SLC35F1: variants seen among roughly 807,000 people sequenced by gnomAD.
SLC35F1 encodes the protein solute carrier family 35 member F1.
SLC35F1 carries 14 observed loss-of-function variants against 48.7 expected under a neutral mutation model. That is an observed-to-expected ratio of 0.29 (90% CI 0.19 to 0.45). SLC35F1 has a LOEUF of 0.45. SLC35F1 is among the 20% of genes least tolerant of loss of function. The pLI is 1.00. For synonymous variants in SLC35F1, 190 were observed against 202.2 expected (o/e 0.94, Z 0.51); for missense variants, 404 against 500.0 (o/e 0.81, Z 1.83).
chr6:118,272,504 A>G (rs1775864617), intron 4 of SLC35F1, among the ~76,000 whole-genome samples: 1 of 152,172 alleles, frequency 6.6e-6, no homozygotes, highest in Non-Finnish European at 1.5e-5. Flanking sequence ...CATCTACTGC[A>G]TTAGCTGTGC....
chr6:118,221,333 A>G (rs918664840), intron 2 of SLC35F1, among the ~76,000 whole-genome samples: 4 of 152,204 alleles, frequency 2.6e-5, no homozygotes, highest in Admixed American at 6.5e-5. Context: ...CACCTCCGCA[A>G]AAACAGAATG....
At chr6:118,114,765 T>G (rs535930016) in intron 1 of SLC35F1, among the ~76,000 whole-genome samples, 1 of 152,340 alleles carries the variant, frequency 6.6e-6, no homozygotes, top group South Asian at 2.1e-4. Flanking sequence ...CAGCTGGTTT[T>G]ATTGCCAGCA....
chr6:117,991,076 A>T (rs950393386), intron 1 of SLC35F1, among the ~76,000 whole-genome samples: 6 of 152,226 alleles, frequency 3.9e-5, no homozygotes, highest in Admixed American at 3.9e-4. Context: ...GCAACAAAGA[A>T]GAAAATAAAA....
intron 1 of SLC35F1, among the ~76,000 whole-genome samples, chr6:118,082,557 C>G (rs1460746220): frequency 1.3e-5 from 2 of 151,610 alleles, no homozygotes; most frequent in Non-Finnish European, 2.9e-5. Flanking sequence ...GTAACATAAA[C>G]TCAACTCTAA....
At chr6:117,991,926 T>C (rs1338838140) in intron 1 of SLC35F1, among the ~76,000 whole-genome samples, 1 of 152,186 alleles carries the variant, frequency 6.6e-6, no homozygotes, top group African/African-American at 2.4e-5. Context: ...AAAATTTTTA[T>C]AAGCTCTATC....
intron 1 of SLC35F1, among the ~76,000 whole-genome samples, chr6:117,982,044 T>C (rs1776787655): frequency 6.6e-6 from 1 of 152,186 alleles, no homozygotes; most frequent in Non-Finnish European, 1.5e-5. Flanking sequence ...CTTTTAAGAA[T>C]ACAAAAATAC....
chr6:117,908,672 A>G (rs1314498122), intron 1 of SLC35F1, among the ~76,000 whole-genome samples: 1 of 152,232 alleles, frequency 6.6e-6, no homozygotes, highest in Non-Finnish European at 1.5e-5. Context: ...ACCTGGGTTG[A>G]CGTGAAAATG....
chr6:118,033,821 T>C (rs1772087738), intron 1 of SLC35F1, among the ~76,000 whole-genome samples: 1 of 152,242 alleles, frequency 6.6e-6, no homozygotes, highest in South Asian at 2.1e-4. Flanking sequence ...ATTGATTTAC[T>C]CAGTGAATAA....
intron 2 of SLC35F1, among the ~76,000 whole-genome samples, chr6:118,159,316 T>C (rs1318009992): frequency 6.7e-6 from 1 of 148,984 alleles, no homozygotes; most frequent in Non-Finnish European, 1.5e-5. Context: ...TCCACCAAAG[T>C]AGTTTTGTTG....
At chr6:118,297,742 ATATATATATAT>A in intron 7 of SLC35F1, among the ~76,000 whole-genome samples, 1 of 95,392 alleles carries the variant, frequency 1.0e-5, no homozygotes, top group Non-Finnish European at 2.1e-5. Context: ...GTTCTGAGAA[ATATATATATAT>A]AATATATATA....
At chr6:118,215,028 C>A (rs530051930) in intron 2 of SLC35F1, among the ~76,000 whole-genome samples, 1 of 152,208 alleles carries the variant, frequency 6.6e-6, no homozygotes, top group African/African-American at 2.4e-5. Flanking sequence ...CTCTAGGGAC[C>A]TTTGTTACAC....
chr6:118,295,231 T>C (rs897349934), intron 7 of SLC35F1, among the ~76,000 whole-genome samples: 1 of 152,128 alleles, frequency 6.6e-6, no homozygotes, highest in African/African-American at 2.4e-5. Flanking sequence ...TATAATAATA[T>C]ATTATTATGT....
chr6:118,052,105 T>A (rs1209626852), intron 1 of SLC35F1, among the ~76,000 whole-genome samples: 1 of 152,098 alleles, frequency 6.6e-6, no homozygotes, highest in Non-Finnish European at 1.5e-5. Context: ...CCCTTCTCCT[T>A]GGGCTGTTAG....
At chr6:117,975,375 G>A (rs1021258580) in intron 1 of SLC35F1, among the ~76,000 whole-genome samples, 3 of 152,198 alleles carry the variant, frequency 2.0e-5, no homozygotes, top group Admixed American at 2.0e-4. Context: ...TTTAGAGTCC[G>A]CTAACTGGGA....
intron 1 of SLC35F1, among the ~76,000 whole-genome samples, chr6:117,979,980 A>G (rs1776756100): frequency 6.6e-6 from 1 of 152,200 alleles, no homozygotes; most frequent in South Asian, 2.1e-4. Flanking sequence ...ACTGTAGTAA[A>G]AAGTTGCTGT....
chr6:118,256,205 GGTGTGTGTGTGTGTGTGTGTGTGT>G (rs71554895), intron 3 of SLC35F1, among the ~76,000 whole-genome samples: 56,189 of 143,212 alleles, frequency 0.39, 11,139 homozygotes, highest in Non-Finnish European at 0.47. Flanking sequence ...GAAGACTTCT[GGTGTGTGTGTGTGTGTGTGTGTGT>G]GTGTGTGTGT....
intron 2 of SLC35F1, among the ~76,000 whole-genome samples, chr6:118,226,441 C>A (rs141819515): frequency 6.6e-6 from 1 of 151,460 alleles, no homozygotes; most frequent in East Asian, 2.0e-4. Flanking sequence ...TCACAATAAC[C>A]AAAACATGGA....
chr6:117,997,853 G>T (rs1244251602), intron 1 of SLC35F1, among the ~76,000 whole-genome samples: 1 of 152,162 alleles, frequency 6.6e-6, no homozygotes, highest in Non-Finnish European at 1.5e-5. Context: ...AGGCTAGGAA[G>T]AAACTGCATC....
At chr6:118,297,429 T>A (rs1354489930) in intron 7 of SLC35F1, among the ~76,000 whole-genome samples, 1 of 152,026 alleles carries the variant, frequency 6.6e-6, no homozygotes, top group Non-Finnish European at 1.5e-5. Flanking sequence ...GTAGAGAATA[T>A]GTTCCCTATA....
Sources: gnomAD v4.1 joint callset for allele counts (sites outside exome capture counted in the v4.1 genomes callset) on GRCh38, gnomAD v4.1.1 for gene constraint, MANE v1.5 for transcripts, NCBI Gene and HGNC (gene_info 2026-07-23, HGNC 2026-07-21) for gene names.